CEP57: variants seen among roughly 807,000 people sequenced by gnomAD.
CEP57 encodes the protein centrosomal protein 57.
CEP57 carries 40 observed loss-of-function variants against 68.0 expected under a neutral mutation model. The ratio of observed to expected loss-of-function variants is 0.59; its 90% CI spans 0.46 to 0.77. The LOEUF (loss-of-function observed/expected upper bound fraction) is 0.77, where lower values mean the gene tolerates loss of function less well. Ranked by LOEUF, CEP57 falls within the 30% of genes least tolerant of loss-of-function variation. The pLI, the probability that CEP57 is intolerant of heterozygous loss-of-function variation, is 0.00. For synonymous variants in CEP57, 219 were observed against 198.7 expected (o/e 1.10, Z -0.86); for missense variants, 606 against 580.7 (o/e 1.04, Z -0.45).
Position 95,826,713 on chromosome 11 carries a change from C to T in CEP57, c.886-1073C>T, listed in dbSNP as rs865850431. The T allele has an allele frequency of 2.6e-5, 4 of 152,002 alleles. No individual in the cohort carries two copies. In the East Asian group the frequency reaches 5.8e-4, roughly 22 times the overall value. The allele number at this position is 152,002 out of a possible 1,614,324, so 9.4% of individuals were successfully genotyped here. A position where few individuals can be genotyped will look rare whatever the true frequency, so the allele number is the denominator to read the frequency against. Reference sequence around the variant, plus strand: ...TAATATAATCAGAAAAATAACAGAACGAGAATTTTTTAAATTATTGCATAT... The same window carrying T: ...TAATATAATCAGAAAAATAACAGAATGAGAATTTTTTAAATTATTGCATAT... On this transcript the variant is annotated intron_variant, in intron 8 of 10. Transcript: ENST00000325542.
chr11:95,819,933 C>T (rs1200699517), intron 6 of CEP57, among the ~76,000 whole-genome samples: 4 of 152,134 alleles, frequency 2.6e-5, no homozygotes, highest in African/African-American at 9.7e-5. Context: ...AGTGTGCTTT[C>T]TGAGTTATAT....
chr11:95,820,420 G>A lies in CEP57; in HGVS notation c.700-1451G>A, dbSNP rs1031323379. On this transcript the variant is annotated intron_variant, in intron 6 of 10. Coordinates refer to ENST00000325542, the MANE Select transcript of CEP57 (RefSeq NM_014679.5). ...TTGAGCCTGACCAACATGGTGAAAC[G>A]CTGTCTACTAAAAATACAAAATTGG... Among the ~76,000 whole-genome samples the A allele has an allele frequency of 4.0e-5, 6 of 151,798 alleles. No individual in the cohort carries two copies. In the East Asian group the frequency reaches 1.2e-3, roughly 29 times the overall value.
At chr11:95,811,028 G>A (rs140408702) in intron 2 of CEP57, among the ~76,000 whole-genome samples, 2,601 of 152,260 alleles carry the variant, frequency 0.017, 38 homozygotes, top group South Asian at 0.064. Context: ...AGACTGTGGC[G>A]ATTCCTCAAG....
In CEP57 at chr11:95,831,291, C is replaced by G; in HGVS notation, c.*35C>G. 2 of 1,396,344 alleles carry G rather than the reference C, an allele frequency of 1.4e-6. No homozygotes were observed. The highest frequency in any genetic ancestry group is 2.0e-6 in the Non-Finnish European group (2 of 985,296). The allele number at this position is 1,396,344 out of a possible 1,614,324, so 86.5% of individuals were successfully genotyped here. On this transcript the variant is annotated 3_prime_UTR_variant, in exon 11 of 11. Coordinates refer to ENST00000325542, the MANE Select transcript of CEP57 (RefSeq NM_014679.5). ...AGGTCAGAAATTTTATTCAGATAAT[C>G]TGTACCTCATCAATCAGATGATGAC...
At chr11:95,795,323 G>GAT (rs1269549909) in intron 1 of CEP57, among the ~76,000 whole-genome samples, 1 of 151,980 alleles carries the variant, frequency 6.6e-6, no homozygotes, top group Admixed American at 6.6e-5. Context: ...TTAATTGTGT[G>GAT]ATATATATTT....
In CEP57 at chr11:95,815,791, A is replaced by G. The variant is rs187441985; in HGVS notation, c.505-1996A>G. On this transcript the variant is annotated intron_variant, in intron 4 of 10. Coordinates refer to ENST00000325542, the MANE Select transcript of CEP57 (RefSeq NM_014679.5). ...GAGCGAGACCCAGTTTCTACAAACA[A>G]TAAATAAATAAAATCACTGGTTCTG... Among the ~76,000 whole-genome samples the G allele has an allele frequency of 1.1e-3, 164 of 152,350 alleles. 1 individual carries two copies. Among genetic ancestry groups the G allele is most frequent in the Admixed American group, 5.6e-3 (85 of 15,306 alleles).
chr11:95,818,238 C>T (rs1238505576), intron 5 of CEP57, among the ~76,000 whole-genome samples: 1 of 151,568 alleles, frequency 6.6e-6, no homozygotes, highest in East Asian at 1.9e-4. Flanking sequence ...ATGGTGAAAC[C>T]CCGTATCTAC....
chr11:95,818,975 A>T, intron 6 of CEP57, 71 bp downstream of exon 6: 1 of 1,133,842 alleles, frequency 8.8e-7, no homozygotes, highest in Non-Finnish European at 1.3e-6. Context: ...AAACAATTAC[A>T]TTTAGGTATC....
chr11:95,794,059 A>G (rs1053817084), intron 1 of CEP57, among the ~76,000 whole-genome samples: 38 of 152,226 alleles, frequency 2.5e-4, no homozygotes, highest in African/African-American at 9.2e-4. Context: ...ACTAGATAAG[A>G]GAATCCAGCA....
At chr11:95,794,355 A>G (rs1861240406) in intron 1 of CEP57, 1 of 455,898 alleles carries the variant, frequency 2.2e-6, no homozygotes. Flanking sequence ...TATCTGGTTC[A>G]CAGAGTATGT....
rs747720736 is a variant in CEP57, at chr11:95,832,658, A to T, written c.*1402A>T. 1 of 151,930 alleles carries T rather than the reference A, an allele frequency of 6.6e-6. No homozygotes were observed. The allele number at this position is 151,930 out of a possible 1,614,324, so 9.4% of individuals were successfully genotyped here. On this transcript the variant is annotated 3_prime_UTR_variant, in exon 11 of 11. Transcript: ENST00000325542. ...AAACTCCTGTTATCTCCTTGTTTGAATTTCAGGTCATTAAATTGTATAACC... is the reference window on the plus strand; with the variant it reads ...AAACTCCTGTTATCTCCTTGTTTGATTTTCAGGTCATTAAATTGTATAACC...
intron 1 of CEP57, chr11:95,794,421 C>T (rs952447546): frequency 1.9e-5 from 8 of 424,640 alleles, no homozygotes; most frequent in Admixed American, 1.0e-4. Context: ...ATTATACCAA[C>T]AACCCTCTTT....
At chr11:95,794,977 G>T (rs1336291090) in intron 1 of CEP57, among the ~76,000 whole-genome samples, 1 of 152,066 alleles carries the variant, frequency 6.6e-6, no homozygotes, top group African/African-American at 2.4e-5. Flanking sequence ...TATGTGTATG[G>T]GTGTGTTACC....
Position 95,790,740 on chromosome 11 carries a change from G to C in CEP57, c.42G>C (p.Leu14Phe). 1.2e-6 allele frequency: 2 copies of C among 1,614,060 alleles called. No homozygotes were observed. The highest frequency in any genetic ancestry group is 1.7e-6 in the Non-Finnish European group (2 of 1,179,980). ...TCTCTGCGGCTTCTGGTTCTCACTT[G>C]TCGGTAAGAAGCAGTTGGCGCGAGT... The part of the protein sequence containing the change: ...ASVSAASGSH[L>F]SNSFAEPSRS... The change falls in exon 1 of 11, where the codon TTG (leucine) becomes TTC (phenylalanine). Residue 14 changes from leucine to phenylalanine, a missense_variant. Coordinates refer to ENST00000325542, the MANE Select transcript of CEP57 (RefSeq NM_014679.5).
chr11:95,824,446 CAACTT>C, intron 8 of CEP57, among the ~76,000 whole-genome samples: 1 of 152,128 alleles, frequency 6.6e-6, no homozygotes, highest in Non-Finnish European at 1.5e-5. Context: ...CATTATATGA[CAACTT>C]AAAAGGAAGG....
intron 4 of CEP57, among the ~76,000 whole-genome samples, chr11:95,817,115 C>A (rs893609272): frequency 1.3e-5 from 2 of 151,902 alleles, no homozygotes; most frequent in Non-Finnish European, 2.9e-5. Context: ...CGCCTGTAAT[C>A]TCAGCACTTT....
intron 9 of CEP57, 62 bp from the exon 10 acceptor site, chr11:95,829,125 T>G: frequency 1.9e-6 from 3 of 1,561,706 alleles, no homozygotes. Flanking sequence ...TAATGAGGTA[T>G]AATAGACCTA....
intron 2 of CEP57, among the ~76,000 whole-genome samples, chr11:95,805,211 TAAGAA>T (rs1474007703): frequency 6.6e-6 from 1 of 152,242 alleles, no homozygotes; most frequent in Non-Finnish European, 1.5e-5. Flanking sequence ...CAGAAGAGGT[TAAGAA>T]AACTCAATGG....
At chr11:95,800,481 C>T (rs1002529657) in intron 2 of CEP57, among the ~76,000 whole-genome samples, 3 of 151,914 alleles carry the variant, frequency 2.0e-5, no homozygotes, top group South Asian at 2.1e-4. Flanking sequence ...CTGCAACCTC[C>T]GCCTCCTGGA....
Sources: gnomAD v4.1 joint callset for allele counts (sites outside exome capture counted in the v4.1 genomes callset) on GRCh38, gnomAD v4.1.1 for gene constraint, MANE v1.5 for transcripts, NCBI Gene and HGNC (gene_info 2026-07-23, HGNC 2026-07-21) for gene names.